IL1RAPL2: variants seen among roughly 807,000 people sequenced by gnomAD.
IL1RAPL2 encodes interleukin 1 receptor accessory protein like 2.
A neutral mutation model predicts 44.1 loss-of-function variants in IL1RAPL2; 3 were observed. The ratio of observed to expected loss-of-function variants is 0.07; its 90% CI spans 0.03 to 0.18. The LOEUF (loss-of-function observed/expected upper bound fraction) is 0.18. Among genes scored for constraint, IL1RAPL2 ranks in the 10% least tolerant of loss-of-function variants. The pLI is 1.00. For missense variants in IL1RAPL2, 391 were observed against 496.4 expected (o/e 0.79, Z 2.02); for synonymous variants, 181 against 178.8 (o/e 1.01, Z -0.10).
chrX:105,466,613 G>A (rs774003474), intron 5 of IL1RAPL2, among the ~76,000 whole-genome samples: 2 of 111,455 alleles, frequency 1.8e-5, no homozygotes, highest in Non-Finnish European at 3.8e-5. Context: ...TTTAATAGAG[G>A]AAAAAGAAAG....
chrX:104,951,064 C>T (rs993131092), intron 2 of IL1RAPL2, among the ~76,000 whole-genome samples: 7 of 111,855 alleles, frequency 6.3e-5, no homozygotes, highest in South Asian at 3.7e-4. Context: ...ACCCACTGAC[C>T]TGCGCCCACT....
chrX:104,673,488 T>G (rs918756298), intron 2 of IL1RAPL2, among the ~76,000 whole-genome samples: 1 of 111,329 alleles, frequency 9.0e-6, no homozygotes, highest in African/African-American at 3.3e-5. Context: ...CCATGCTGTT[T>G]TGGTTACTGT....
At chrX:105,196,666 A>G (rs1277222984) in intron 3 of IL1RAPL2, among the ~76,000 whole-genome samples, 1 of 111,575 alleles carries the variant, frequency 9.0e-6, no homozygotes, top group Non-Finnish European at 1.9e-5. Flanking sequence ...AGAAGTTTAC[A>G]GTAAAAAGCA....
chrX:105,617,844 C>A (rs1476476035), intron 6 of IL1RAPL2, among the ~76,000 whole-genome samples: 1 of 111,584 alleles, frequency 9.0e-6, no homozygotes, highest in Non-Finnish European at 1.9e-5. Flanking sequence ...GATATCTTGA[C>A]GCTCTCTTTA....
intron 2 of IL1RAPL2, among the ~76,000 whole-genome samples, chrX:104,674,972 A>G (rs1358457531): frequency 1.7e-4 from 19 of 110,830 alleles, no homozygotes; most frequent in African/African-American, 5.3e-4. Context: ...TATTGCGTCT[A>G]TTTGATTCTT....
At chrX:105,520,933 T>C (rs1434104002) in intron 6 of IL1RAPL2, among the ~76,000 whole-genome samples, 923 of 75,853 alleles carry the variant, frequency 0.012, 28 homozygotes, top group African/African-American at 0.044. Flanking sequence ...CTTTTTTTTT[T>C]TTTTTTTTTT....
chrX:104,975,303 T>C lies in IL1RAPL2; in HGVS notation c.83-220172T>C, dbSNP rs751772305. ...GAAACAGAGCAGGATTTTCAACTTT[T>C]CCCTGAGTTATTTCTCTAATTTTGT... On this transcript the variant is annotated intron_variant, in intron 2 of 10. Coordinates refer to ENST00000372582, the MANE Select transcript of IL1RAPL2 (RefSeq NM_017416.2). 4.5e-5 allele frequency among the ~76,000 whole-genome samples: 5 copies of C among 111,730 alleles called. No individual in the cohort carries two copies. In the South Asian group the frequency reaches 1.9e-3, roughly 42 times the overall value.
rs770136785 is a variant in IL1RAPL2 at position 105,383,059 on chromosome X, T to A, written c.698-101254T>A. Among the ~76,000 whole-genome samples, 3 of 109,290 alleles carry A rather than the reference T, an allele frequency of 2.7e-5. No individual in the cohort carries two copies. In the Admixed American group the frequency reaches 2.9e-4, roughly 11 times the overall value. 94.9% of individuals were successfully genotyped at this position (109,290 alleles called of 115,157 possible). On this transcript the variant is annotated intron_variant, in intron 5 of 10. Coordinates refer to ENST00000372582, the MANE Select transcript of IL1RAPL2 (RefSeq NM_017416.2). ...GGGTGCAGCACACGAACATGGCACA[T>A]GTATACATATGTAACAAACCTGCAC...
At chrX:105,645,344 C>T (rs1011064202) in intron 6 of IL1RAPL2, among the ~76,000 whole-genome samples, 7 of 111,810 alleles carry the variant, frequency 6.3e-5, no homozygotes, top group African/African-American at 2.3e-4. Context: ...TTTTGTATTC[C>T]TGGGTTGCTT....
intron 2 of IL1RAPL2, among the ~76,000 whole-genome samples, chrX:104,886,281 A>G (rs377591977): frequency 1.8e-5 from 2 of 111,830 alleles, no homozygotes; most frequent in Admixed American, 1.9e-4. Context: ...TATGGGGAAC[A>G]AGTTACCCAT....
chrX:105,653,475 T>G (rs745680010), intron 6 of IL1RAPL2, among the ~76,000 whole-genome samples: 72 of 111,021 alleles, frequency 6.5e-4, no homozygotes, highest in African/African-American at 2.1e-3. Context: ...CATCTGAGAC[T>G]GTGTGGTCAT....
chrX:104,749,897 G>A (rs997935810), intron 2 of IL1RAPL2, among the ~76,000 whole-genome samples: 10 of 111,897 alleles, frequency 8.9e-5, no homozygotes, highest in African/African-American at 2.6e-4. Context: ...GTTTGATTAA[G>A]TTGGGCCTTG....
At chrX:104,895,550 G>A (rs1290254620) in intron 2 of IL1RAPL2, among the ~76,000 whole-genome samples, 1 of 112,707 alleles carries the variant, frequency 8.9e-6, no homozygotes, top group Non-Finnish European at 1.9e-5. Flanking sequence ...TGCTAGCAAT[G>A]AGTGAGGCTT....
intron 6 of IL1RAPL2, among the ~76,000 whole-genome samples, chrX:105,647,100 G>A (rs929045658): frequency 8.9e-5 from 10 of 112,022 alleles, no homozygotes; most frequent in Admixed American, 2.8e-4. Context: ...TTTAGCTCCC[G>A]GGCACTTAGC....
intron 6 of IL1RAPL2, among the ~76,000 whole-genome samples, chrX:105,506,610 A>C (rs1197329570): frequency 1.8e-5 from 2 of 111,769 alleles, no homozygotes; most frequent in Non-Finnish European, 3.8e-5. Flanking sequence ...TACCAGCCCA[A>C]ATTTAAGGAG....
chrX:104,755,084 T>C (rs1932320032), intron 2 of IL1RAPL2, among the ~76,000 whole-genome samples: 1 of 111,807 alleles, frequency 8.9e-6, no homozygotes, highest in Non-Finnish European at 1.9e-5. Context: ...TGTTTGATTT[T>C]TCCTTCCCAC....
intron 2 of IL1RAPL2, among the ~76,000 whole-genome samples, chrX:104,735,466 T>C (rs1931995715): frequency 9.0e-6 from 1 of 110,764 alleles, no homozygotes; most frequent in African/African-American, 3.3e-5. Context: ...ACAATAACCA[T>C]TGTGACAAAG....
At position 105,447,660 on chromosome X, in the gene IL1RAPL2, A is replaced by T. The variant is rs1338287116; in HGVS notation, c.698-36653A>T. Among the ~76,000 whole-genome samples, 680 of 79,996 alleles carry T rather than the reference A, an allele frequency of 8.5e-3. 24 individuals carry two copies. The East Asian group carries it at 0.11, about 13-fold the overall frequency. 69.5% of individuals were successfully genotyped at this position (79,996 alleles called of 115,157 possible). A position where few individuals can be genotyped will look rare whatever the true frequency, so the allele number is the denominator to read the frequency against. On this transcript the variant is annotated intron_variant, in intron 5 of 10. Coordinates refer to ENST00000372582, the MANE Select transcript of IL1RAPL2 (RefSeq NM_017416.2). Reference sequence around the variant, plus strand: ...ATAAATATAAATATAAATATAAATAAATATAAATATATATAAATATATTAA... The same window carrying T: ...ATAAATATAAATATAAATATAAATATATATAAATATATATAAATATATTAA...
chrX:104,899,024 G>A (rs1297088663), intron 2 of IL1RAPL2, among the ~76,000 whole-genome samples: 1 of 112,135 alleles, frequency 8.9e-6, no homozygotes, highest in African/African-American at 3.2e-5. Flanking sequence ...AACAGATTAA[G>A]TCGTAGTATT....
Sources: allele counts gnomAD v4.1 joint callset (sites outside exome capture counted in the v4.1 genomes callset), GRCh38; gene constraint gnomAD v4.1.1; transcripts MANE v1.5; gene names NCBI Gene and HGNC (gene_info 2026-07-23, HGNC 2026-07-21).